The following MYH3 variants were observed in gnomAD, a reference collection of about 807,000 sequenced individuals.
MYH3 encodes myosin-3.
In MYH3, 130 loss-of-function variants were observed where a neutral mutation model predicts 238.0. That is an observed-to-expected ratio of 0.55 (90% confidence interval 0.47 to 0.63). The LOEUF (loss-of-function observed/expected upper bound fraction) is 0.63. Ranked by LOEUF, MYH3 falls within the 30% of genes least tolerant of loss-of-function variation. The probability of loss-of-function intolerance (pLI) is 0.00; values close to 1 mark genes in which losing one functional copy is unlikely to be tolerated. For missense variants in MYH3, 1,853 were observed against 2,374.9 expected, an observed-to-expected ratio of 0.78 and a Z score of 4.57; for synonymous variants, 880 against 924.1, an observed-to-expected ratio of 0.95 and a Z score of 0.86.
the MYH3 span, chr17:10,677,893 A>T: frequency 6.6e-6 from 1 of 152,284 alleles, no homozygotes; most frequent in East Asian, 1.9e-4. Context: ...GAGGCGGCGG[A>T]TCACCTGAGG....
the MYH3 span, among the ~76,000 whole-genome samples, chr17:10,667,590 G>A: frequency 7.2e-5 from 11 of 151,846 alleles, no homozygotes; most frequent in South Asian, 2.3e-3. Context: ...CTGAGGCAGG[G>A]GAATCGCTTG....
intron 5 of MYH3, 49 bp downstream of exon 5, chr17:10,651,463 T>C (rs377299902): frequency 1.2e-6 from 2 of 1,611,656 alleles, no homozygotes; most frequent in Non-Finnish European, 1.7e-6. Context: ...GCCGCTCGCC[T>C]CATGCAGTGC....
upstream of MYH3, among the ~76,000 whole-genome samples, chr17:10,661,745 G>A (rs147731071): frequency 1.0e-3 from 155 of 152,242 alleles, no homozygotes; most frequent in South Asian, 5.0e-3. Flanking sequence ...GCCCAGGACC[G>A]CTGTCTGCCA....
At chr17:10,635,280 A>G in intron 30 of MYH3, 87 bp downstream of exon 30, 5 of 1,603,778 alleles carry the variant, frequency 3.1e-6, no homozygotes, top group South Asian at 1.1e-5. Flanking sequence ...TTAAAGACAC[A>G]TGAGATGGGG....
chr17:10,635,803 A>G lies in MYH3; in HGVS notation c.3907T>C (p.Ser1303Pro), dbSNP rs1157210244. ...TGGGTAAAGGCTTGCTTGCTCCTGGAAAGTTGGGATACTATGCTTTCTTTT... is the reference window on the plus strand; with the variant it reads ...TGGGTAAAGGCTTGCTTGCTCCTGGGAAGTTGGGATACTATGCTTTCTTTT... ...EEKESIVSQL[S>P]RSKQAFTQQT... The change falls in exon 29 of 41, where the codon TCC becomes CCC. Residue 1303 changes from serine (S) to proline (P), a missense_variant. Coordinates refer to ENST00000583535, the MANE Select transcript of MYH3 (RefSeq NM_002470.4). 5 of 1,614,152 alleles carry G rather than the reference A, an allele frequency of 3.1e-6. No homozygotes were observed. In the East Asian group the frequency reaches 8.9e-5, roughly 29 times the overall value.
chr17:10,646,878 T>C (rs2074327084), intron 10 of MYH3, among the ~76,000 whole-genome samples: 1 of 151,990 alleles, frequency 6.6e-6, no homozygotes, highest in Non-Finnish European at 1.5e-5. Flanking sequence ...TGAAACCTCA[T>C]CTCTACAAAA....
chr17:10,666,051 G>A, the MYH3 span, among the ~76,000 whole-genome samples: 1 of 151,846 alleles, frequency 6.6e-6, no homozygotes, highest in Non-Finnish European at 1.5e-5. Flanking sequence ...ATGGCTATTT[G>A]GAAAAAAAAT....
Position 10,654,110 on chromosome 17 carries a change from G to C in MYH3, c.204+751C>G, listed in dbSNP as rs1351100360. On this transcript the variant is annotated intron_variant, in intron 3 of 40. Coordinates refer to ENST00000583535, the MANE Select transcript of MYH3 (RefSeq NM_002470.4). The surrounding 1 kb of genome is among the most constrained non-coding windows in gnomAD (Gnocchi z 4.5). Reference sequence around the variant, plus strand: ...TTCCTTCATGCCCAACCCAATGATAGTATTTCCTTTACTTGTCTCTTTTAT... The same window carrying C: ...TTCCTTCATGCCCAACCCAATGATACTATTTCCTTTACTTGTCTCTTTTAT... Among the ~76,000 whole-genome samples, 1 of 152,040 alleles carries C rather than the reference G, an allele frequency of 6.6e-6. No individual in the cohort carries two copies. Among genetic ancestry groups the C allele is most frequent in the East Asian group, 1.9e-4 (1 of 5,178 alleles).
chr17:10,649,267 G>A (rs1230700816), intron 7 of MYH3, among the ~76,000 whole-genome samples: 1 of 152,230 alleles, frequency 6.6e-6, no homozygotes, highest in Non-Finnish European at 1.5e-5. Flanking sequence ...CCCAGGATAT[G>A]CTGTGAGTCA....
chr17:10,648,151 C>A (rs148381864), intron 8 of MYH3, among the ~76,000 whole-genome samples: 1 of 152,102 alleles, frequency 6.6e-6, no homozygotes, highest in African/African-American at 2.4e-5. Context: ...ATGGAACTGG[C>A]CCCCCTGCCC....
intron 3 of MYH3, 44 bp from the exon 4 acceptor site, chr17:10,652,607 G>C (rs571024975): frequency 8.3e-6 from 5 of 605,234 alleles, no homozygotes; most frequent in Middle Eastern, 5.1e-4. Flanking sequence ...TGGTCTGCAC[G>C]TCTTTTTTTT....
At chr17:10,635,130 T>G (rs1203676288) in intron 30 of MYH3, 107 bp from the exon 31 acceptor site, 7 of 1,388,238 alleles carry the variant, frequency 5.0e-6, no homozygotes, top group African/African-American at 1.4e-5. Context: ...GACACCCATG[T>G]GTTTTTATAC....
rs1287791992 is a variant in MYH3 at position 10,631,801 on chromosome 17, C to G, written c.5160+12G>C. 1 of 1,614,108 alleles carries G rather than the reference C, an allele frequency of 6.2e-7. No individual in the cohort carries two copies. The highest frequency in any genetic ancestry group is 8.5e-7 in the Non-Finnish European group (1 of 1,180,020). ...GCTGGAACCTCGCCTCTCTTCCTCTCCCTCCCCTCACCTGGGTATGCAGCA... is the reference window on the plus strand; with the variant it reads ...GCTGGAACCTCGCCTCTCTTCCTCTGCCTCCCCTCACCTGGGTATGCAGCA... On this transcript the variant is annotated intron_variant, in intron 35 of 40. Coordinates refer to ENST00000583535, the MANE Select transcript of MYH3 (RefSeq NM_002470.4).
chr17:10,647,515 AG>A, intron 8 of MYH3, 89 bp from the exon 9 acceptor site: 2 of 1,408,502 alleles, frequency 1.4e-6, no homozygotes, highest in Non-Finnish European at 1.0e-6. Context: ...GTAGGAGCCT[AG>A]TCCCCCTAAA....
In MYH3 at chr17:10,640,682, G is replaced by A. The variant is rs763239874; in HGVS notation, c.2170C>T (p.Arg724Ter). The part of the protein sequence containing the change: ...ILYGDFKQRY[R>*]VLNASAIPEG... Reference sequence around the variant, plus strand: ...GGGATTGCACTGGCATTCAGCACTCGGTATCTGCATTGTAGACATGGAAAT... The same window carrying A: ...GGGATTGCACTGGCATTCAGCACTCAGTATCTGCATTGTAGACATGGAAAT... Residue 724 changes from arginine (R) to a stop codon, truncating the protein, a stop_gained, in exon 20 of 41, where the codon CGA becomes TGA. Transcript: ENST00000583535. LOFTEE classifies it high-confidence loss of function. The A allele has an allele frequency of 3.1e-6, 5 of 1,613,902 alleles. No individual in the cohort carries two copies. The highest frequency in any genetic ancestry group is 2.7e-5 in the African/African-American group (2 of 74,916).
rs765604070 is a variant in MYH3, at chr17:10,642,422, G to A, written c.1883C>T (p.Ala628Val). ...ACACAAAGCACTCCTCTTACCATCC[G>A]CCGTGGCAAACGTGGCATAGAGGTG... ...LAHLYATFAT[A>V]DADSGKKKVA... The change falls in exon 16 of 41, where the codon GCG (alanine) becomes GTG (valine). Residue 628 changes from alanine (A) to valine (V), a missense_variant. Physicochemically the swap from Ala to Val is moderately conservative, Grantham distance 64. Transcript: ENST00000583535. The surrounding 1 kb of genome is among the most constrained non-coding windows in gnomAD (Gnocchi z 5.4). 11 of 1,614,128 alleles carry A rather than the reference G, an allele frequency of 6.8e-6. No individual in the cohort carries two copies. The highest frequency in any genetic ancestry group is 1.6e-4 in the Middle Eastern group (1 of 6,062).
chr17:10,638,015 C>T (rs1352041237), intron 27 of MYH3, 28 bp downstream of exon 27: 13 of 1,613,908 alleles, frequency 8.1e-6, no homozygotes, highest in African/African-American at 1.3e-5. Flanking sequence ...GATGGAAAGC[C>T]TTGAGCCACC....
At chr17:10,669,448 G>A in the MYH3 span, among the ~76,000 whole-genome samples, 3 of 151,956 alleles carry the variant, frequency 2.0e-5, no homozygotes, top group Non-Finnish European at 2.9e-5. Context: ...AGCTACTCAG[G>A]AGGCTGAGGC....
rs143973840 is a variant in MYH3, at chr17:10,654,899, G to C, written c.166C>G (p.Gln56Glu). The stretch of plus-strand genomic sequence containing the variant: ...GTTTCCACAGTGACCTTCCCATCCT[G>C]AGAACTCTTGATTTTCCCCTTGGCA... ...EYAKGKIKSS[Q>E]DGKVTVETED... Residue 56 changes from glutamine to glutamate, a missense_variant, in exon 3 of 41, where the codon CAG becomes GAG. This residue lies in a region of MYH3 where 131 missense variants were observed against 123.5 expected (regional missense o/e 1.06). Transcript: ENST00000583535. The surrounding 1 kb of genome is among the most constrained non-coding windows in gnomAD (Gnocchi z 4.5). The C allele has an allele frequency of 8.4e-4, 1,353 of 1,614,026 alleles. 2 individuals carry two copies. Among genetic ancestry groups the C allele is most frequent in the Non-Finnish European group, 1.1e-3 (1,276 of 1,180,036 alleles).
Sources: gnomAD v4.1 joint callset for allele counts (sites outside exome capture counted in the v4.1 genomes callset) on GRCh38, gnomAD v4.1.1 for gene constraint, gnomAD v4.1.1 regional missense constraint, Gnocchi (gnomAD v3.1) non-coding constraint, MANE v1.5 for transcripts, NCBI Gene and HGNC (gene_info 2026-07-23, HGNC 2026-07-21) for gene names.